The following MPP7 variants were observed in gnomAD, a reference collection of about 807,000 sequenced individuals.
MPP7 encodes MAGUK p55 scaffold protein 7.
MPP7 carries 60 observed loss-of-function variants against 76.5 expected under a neutral mutation model. That is an observed-to-expected ratio of 0.78 (90% CI 0.64 to 0.97). The LOEUF (loss-of-function observed/expected upper bound fraction) is 0.97, where lower values mean the gene tolerates loss of function less well. MPP7 is among the 50% of genes least tolerant of loss of function. MPP7 has a pLI of 0.00. For synonymous variants in MPP7, 237 were observed against 244.5 expected (o/e 0.97, Z 0.29); for missense variants, 641 against 694.0 (o/e 0.92, Z 0.86).
At chr10:28,242,182 A>G (rs1839292913) in intron 1 of MPP7, among the ~76,000 whole-genome samples, 2 of 152,218 alleles carry the variant, frequency 1.3e-5, no homozygotes, top group African/African-American at 4.8e-5. Flanking sequence ...AAAACTTGTA[A>G]TTAACTGTCA....
intron 11 of MPP7, among the ~76,000 whole-genome samples, chr10:28,116,769 A>AT (rs1187493523): frequency 6.6e-6 from 1 of 152,070 alleles, no homozygotes; most frequent in African/African-American, 2.4e-5. Context: ...GAGGTAAATT[A>AT]TTTTTTTGTT....
chr10:28,213,772 A>T (rs563220365), intron 2 of MPP7, among the ~76,000 whole-genome samples: 5 of 149,020 alleles, frequency 3.4e-5, no homozygotes, highest in Non-Finnish European at 7.4e-5. Context: ...AACCTGGGCA[A>T]CAGAGTGAGA....
intron 12 of MPP7, among the ~76,000 whole-genome samples, chr10:28,074,211 T>C (rs769137155): frequency 2.6e-5 from 4 of 152,026 alleles, no homozygotes; most frequent in South Asian, 2.1e-4. Flanking sequence ...TCAGAAAACA[T>C]AGAGGCCAAC....
intron 12 of MPP7, among the ~76,000 whole-genome samples, chr10:28,076,839 G>C (rs913432758): frequency 6.6e-6 from 1 of 151,372 alleles, no homozygotes; most frequent in Non-Finnish European, 1.5e-5. Context: ...ACTGAGCTGA[G>C]ATGGCGCCAT....
At chr10:28,236,150 T>C (rs1033720173) in intron 2 of MPP7, among the ~76,000 whole-genome samples, 1 of 152,212 alleles carries the variant, frequency 6.6e-6, no homozygotes, top group African/African-American at 2.4e-5. Context: ...CTGTAGATCA[T>C]TCGGTGGTTT....
At chr10:28,307,345 G>A (rs980864877), upstream of MPP7, among the ~76,000 whole-genome samples, 1 of 152,126 alleles carries the variant, frequency 6.6e-6, no homozygotes, top group Non-Finnish European at 1.5e-5. Flanking sequence ...TCTTGTTCAG[G>A]TCTTCTAGTA....
intron 3 of MPP7, among the ~76,000 whole-genome samples, chr10:28,181,740 T>C (rs778258521): frequency 6.6e-6 from 1 of 152,202 alleles, no homozygotes; most frequent in Non-Finnish European, 1.5e-5. Context: ...AAAAGAACTT[T>C]ACTCAATGAA....
At chr10:28,117,958 A>C (rs1361471199) in intron 11 of MPP7, 1 of 231,280 alleles carries the variant, frequency 4.3e-6, no homozygotes, top group Non-Finnish European at 7.1e-6. Flanking sequence ...GAAAGAGAGG[A>C]GGACCAGCAA....
At chr10:28,152,170 C>CA (rs1207176331) in intron 3 of MPP7, among the ~76,000 whole-genome samples, 2 of 152,164 alleles carry the variant, frequency 1.3e-5, no homozygotes, top group Non-Finnish European at 2.9e-5. Flanking sequence ...CACAAATAGT[C>CA]AGTTTCTCTT....
At chr10:28,089,393 T>G (rs1236402483) in intron 12 of MPP7, among the ~76,000 whole-genome samples, 1 of 152,152 alleles carries the variant, frequency 6.6e-6, no homozygotes. Context: ...TATTATTTAA[T>G]TGCCCTGATG....
intron 2 of MPP7, among the ~76,000 whole-genome samples, chr10:28,314,977 A>G (rs1841310039): frequency 6.6e-6 from 1 of 151,918 alleles, no homozygotes; most frequent in Admixed American, 6.6e-5. Flanking sequence ...GCAAGACCCA[A>G]TATCTACAAA....
intron 3 of MPP7, among the ~76,000 whole-genome samples, chr10:28,197,181 CTTTTT>C (rs11330044): frequency 3.5e-5 from 4 of 115,216 alleles, no homozygotes; most frequent in South Asian, 2.9e-4. Context: ...GAGCAACTTC[CTTTTT>C]TTTTTTTTTT....
At chr10:28,172,648 C>T (rs1588882407) in intron 3 of MPP7, among the ~76,000 whole-genome samples, 1 of 152,070 alleles carries the variant, frequency 6.6e-6, no homozygotes, top group Admixed American at 6.6e-5. Flanking sequence ...TGAAAGAACT[C>T]GATATCCAAA....
At chr10:28,226,991 T>C (rs1475642887) in intron 2 of MPP7, among the ~76,000 whole-genome samples, 1 of 152,238 alleles carries the variant, frequency 6.6e-6, no homozygotes, top group Non-Finnish European at 1.5e-5. Flanking sequence ...GCTACTGATA[T>C]GACAAACATT....
At chr10:28,215,644 C>A (rs1239953145) in intron 2 of MPP7, among the ~76,000 whole-genome samples, 1 of 152,116 alleles carries the variant, frequency 6.6e-6, no homozygotes, top group African/African-American at 2.4e-5. Context: ...ACTCTAGGCT[C>A]ATGCTTAGAC....
At chr10:28,065,474 A>G (rs765202727) in intron 13 of MPP7, among the ~76,000 whole-genome samples, 4 of 152,320 alleles carry the variant, frequency 2.6e-5, no homozygotes, top group African/African-American at 7.2e-5. Flanking sequence ...CTCATTCACA[A>G]CAAGGAATAC....
At chr10:28,184,590 C>T (rs1321539555) in intron 3 of MPP7, among the ~76,000 whole-genome samples, 1 of 149,354 alleles carries the variant, frequency 6.7e-6, no homozygotes, top group African/African-American at 2.4e-5. Flanking sequence ...CATCTGTAAT[C>T]CCAGCTACTC....
Position 28,242,024 on chromosome 10 carries a change from G to C in MPP7, c.-131-3289C>G, listed in dbSNP as rs1019611376. 2.0e-5 allele frequency among the ~76,000 whole-genome samples: 3 copies of C among 152,200 alleles called. No homozygotes were observed. The East Asian group carries it at 5.8e-4, about 29-fold the overall frequency. On this transcript the variant is annotated intron_variant, in intron 1 of 16. Coordinates refer to ENST00000683449, the MANE Select transcript of MPP7 (RefSeq NM_001318170.2). ...ACAGAAGTGCAAGTGTTTAAAACTT[G>C]TTTTCAGTAAATAATTAATTCCATA...
chr10:28,316,599 A>G (rs924666292), intron 2 of MPP7, among the ~76,000 whole-genome samples: 1 of 152,150 alleles, frequency 6.6e-6, no homozygotes, highest in African/African-American at 2.4e-5. Flanking sequence ...AGCAGAGCAC[A>G]TGGGACCTCT....
Sources: gnomAD v4.1 joint callset for allele counts (sites outside exome capture counted in the v4.1 genomes callset) on GRCh38, gnomAD v4.1.1 for gene constraint, MANE v1.5 for transcripts, NCBI Gene and HGNC (gene_info 2026-07-23, HGNC 2026-07-21) for gene names.